The following SLCO2B1 variants were observed in gnomAD, a reference collection of about 807,000 sequenced individuals.
SLCO2B1 encodes solute carrier organic anion transporter family member 2B1.
In SLCO2B1, 41 loss-of-function variants were observed where a neutral mutation model predicts 67.3. The ratio of observed to expected loss-of-function variants is 0.61; its 90% CI spans 0.47 to 0.79. The LOEUF (loss-of-function observed/expected upper bound fraction) is 0.79. Ranked by LOEUF, SLCO2B1 falls within the 30% of genes least tolerant of loss-of-function variation. SLCO2B1 has a pLI of 0.00. For missense variants in SLCO2B1, 837 were observed against 920.1 expected, an observed-to-expected ratio of 0.91 and a Z score of 1.17; for synonymous variants, 379 against 381.4, an observed-to-expected ratio of 0.99 and a Z score of 0.07.
In SLCO2B1 at chr11:75,193,641, G is replaced by A; in HGVS notation, c.1433+66G>A. Reference sequence around the variant, plus strand: ...ACAGGACAGGGAGGACAGGGGCCCTGGGCAGAGGCCAGGATGGCAGGGCAA... The same window carrying A: ...ACAGGACAGGGAGGACAGGGGCCCTAGGCAGAGGCCAGGATGGCAGGGCAA... On this transcript the variant is annotated intron_variant, in intron 9 of 13. Transcript: ENST00000289575. This position sits in a 1 kb window ranked among gnomAD's most constrained non-coding sequence, Gnocchi z 4.2. The A allele has an allele frequency of 1.4e-6, 2 of 1,420,380 alleles. No individual in the cohort carries two copies. Among genetic ancestry groups the A allele is most frequent in the Non-Finnish European group, 1.9e-6 (2 of 1,061,218 alleles). The allele number at this position is 1,420,380 out of a possible 1,614,324, so 88.0% of individuals were successfully genotyped here.
chr11:75,171,458 A>C (rs1224204321), intron 6 of SLCO2B1, among the ~76,000 whole-genome samples: 2 of 152,054 alleles, frequency 1.3e-5, no homozygotes, highest in Non-Finnish European at 2.9e-5. Flanking sequence ...GGGCCTCACT[A>C]TGTTGCTCAG....
intron 4 of SLCO2B1, 50 bp downstream of exon 4, chr11:75,165,999 C>G: frequency 6.3e-7 from 1 of 1,576,240 alleles, no homozygotes; most frequent in Non-Finnish European, 8.6e-7. Context: ...CTCTGCATTG[C>G]TTTGCGCTGG....
chr11:75,164,661 G>A (rs138503984), intron 3 of SLCO2B1, among the ~76,000 whole-genome samples: 1,839 of 152,100 alleles, frequency 0.012, 9 homozygotes, highest in Middle Eastern at 0.027. Context: ...TCCTTCCCCC[G>A]CCAGATGTTT....
intron 1 of SLCO2B1, among the ~76,000 whole-genome samples, chr11:75,161,359 T>G (rs1043792875): frequency 2.6e-5 from 4 of 152,186 alleles, no homozygotes; most frequent in Non-Finnish European, 4.4e-5. Flanking sequence ...TGGAATTAGA[T>G]AGTGGAGATA....
chr11:75,173,977 T>A (rs1411954985), intron 7 of SLCO2B1, among the ~76,000 whole-genome samples: 2 of 151,924 alleles, frequency 1.3e-5, no homozygotes, highest in Non-Finnish European at 2.9e-5. Flanking sequence ...TAATTTTGTA[T>A]TTTTAGTAGA....
chr11:75,165,774 C>T lies in SLCO2B1; in HGVS notation c.286-13C>T, dbSNP rs781396827. ...ACTGTTCCACCTTAATGGGTCACCT[C>T]GTCCTTTTGCAGGTGGGGAACACAG... On this transcript the variant is annotated splice_polypyrimidine_tract_variant and intron_variant, in intron 3 of 13. Transcript: ENST00000289575. 1.1e-5 allele frequency: 18 copies of T among 1,613,622 alleles called. No homozygotes were observed. The East Asian group carries it at 3.3e-4, about 30-fold the overall frequency.
chr11:75,161,464 A>G (rs1244533152), intron 1 of SLCO2B1, among the ~76,000 whole-genome samples: 2 of 152,210 alleles, frequency 1.3e-5, no homozygotes, highest in Non-Finnish European at 2.9e-5. Context: ...AATTTTAAAA[A>G]TCATCAGGCT....
chr11:75,193,214 A>G lies in SLCO2B1; in HGVS notation c.1076-4A>G. ...TGCCCTGACCTCTGCACTCGCCCCC[A>G]CAGTCTTCCCCAGGGTGCTGCTGCA... On this transcript the variant is annotated splice_region_variant and splice_polypyrimidine_tract_variant and intron_variant, in intron 8 of 13. Transcript: ENST00000289575. The surrounding 1 kb of genome is among the most constrained non-coding windows in gnomAD (Gnocchi z 4.2). 1 of 1,603,038 alleles carries G rather than the reference A, an allele frequency of 6.2e-7. No homozygotes were observed. Among genetic ancestry groups the G allele is most frequent in the Admixed American group, 1.7e-5 (1 of 59,696 alleles).
chr11:75,186,737 T>A (rs1394899067), intron 7 of SLCO2B1, among the ~76,000 whole-genome samples: 1 of 152,224 alleles, frequency 6.6e-6, no homozygotes, highest in Non-Finnish European at 1.5e-5. Context: ...TACACTCCAC[T>A]TGCCCACTTG....
At chr11:75,165,688 C>A in intron 3 of SLCO2B1, 99 bp from the exon 4 acceptor site, 1 of 1,299,386 alleles carries the variant, frequency 7.7e-7, no homozygotes, top group Non-Finnish European at 1.1e-6. Flanking sequence ...GTCCATTATT[C>A]AGATGGGCAT....
intron 11 of SLCO2B1, 43 bp from the exon 12 acceptor site, chr11:75,202,857 TG>T (rs1945203834): frequency 6.4e-7 from 1 of 1,574,222 alleles, no homozygotes; most frequent in Admixed American, 1.7e-5. Flanking sequence ...CCTTGGGGGC[TG>T]GAACCCCTCC....
intron 10 of SLCO2B1, among the ~76,000 whole-genome samples, chr11:75,198,423 TTA>T (rs1779344822): frequency 6.6e-6 from 1 of 152,216 alleles, no homozygotes; most frequent in African/African-American, 2.4e-5. Context: ...CCACATAACG[TTA>T]TCCATGAAAG....
intron 10 of SLCO2B1, among the ~76,000 whole-genome samples, chr11:75,197,069 T>G (rs1368918652): frequency 2.6e-5 from 4 of 152,190 alleles, no homozygotes; most frequent in African/African-American, 9.7e-5. Context: ...TAAGCTGAGA[T>G]CATGCCATTA....
chr11:75,176,869 G>T (rs988646923), intron 7 of SLCO2B1, among the ~76,000 whole-genome samples: 2 of 152,178 alleles, frequency 1.3e-5, no homozygotes, highest in African/African-American at 4.8e-5. Context: ...AGACCCTGCT[G>T]CATCTCACTG....
rs563509343 is a variant in SLCO2B1, at chr11:75,172,927, T to G, written c.972+358T>G. ...CTGGGCAACAAAGCAAGACTCCGTC[T>G]CAAAAAAAAAAAAAATTACACTGCA... On this transcript the variant is annotated intron_variant, in intron 7 of 13. Transcript: ENST00000289575. Among the ~76,000 whole-genome samples, 9 of 138,190 alleles carry G rather than the reference T, an allele frequency of 6.5e-5. No individual in the cohort carries two copies. In the East Asian group the frequency reaches 2.1e-3, roughly 32 times the overall value. 90.7% of individuals were successfully genotyped at this position (138,190 alleles called of 152,430 possible). A position where few individuals can be genotyped will look rare whatever the true frequency, so the allele number is the denominator to read the frequency against.
At chr11:75,199,091 T>C (rs932142307) in intron 10 of SLCO2B1, among the ~76,000 whole-genome samples, 1 of 152,128 alleles carries the variant, frequency 6.6e-6, no homozygotes, top group African/African-American at 2.4e-5. Flanking sequence ...TGCTTAGCAT[T>C]TCCCTTTCTT....
At position 75,165,905 on chromosome 11, in the gene SLCO2B1, C is replaced by T. The variant is rs746738259; in HGVS notation, c.404C>T (p.Pro135Leu). 55 of 1,614,042 alleles carry T rather than the reference C, an allele frequency of 3.4e-5. No individual in the cohort carries two copies. The highest frequency in any genetic ancestry group is 4.2e-5 in the Non-Finnish European group (49 of 1,180,018). The change falls in exon 4 of 14, where the codon CCG becomes CTG. Residue 135 changes from proline to leucine, a missense_variant. Physicochemically the swap from Pro to Leu is moderately conservative, Grantham distance 98. Transcript: ENST00000289575. ...VALAGLLMTL[P>L]HFISEPYRYD... is the part of the protein sequence containing the mutation. ...CTGGCGGGCCTGCTCATGACTCTCC[C>T]GCACTTCATCTCGGAGCCATACCGC...
At chr11:75,155,458 A>C (rs2851072) in intron 1 of SLCO2B1, among the ~76,000 whole-genome samples, 68,988 of 151,938 alleles carry the variant, frequency 0.45, 18,723 homozygotes, top group Non-Finnish European at 0.61. Context: ...TCAATTCAAC[A>C]ATCTTGTTCT....
At chr11:75,203,099 C>A in intron 12 of SLCO2B1, 134 bp downstream of exon 12, 1 of 1,137,972 alleles carries the variant, frequency 8.8e-7, no homozygotes, top group Non-Finnish European at 1.3e-6. Flanking sequence ...GGTGACAGAC[C>A]TGGCCCAGCT....
Sources: gnomAD v4.1 joint callset for allele counts (sites outside exome capture counted in the v4.1 genomes callset) on GRCh38, gnomAD v4.1.1 for gene constraint, Gnocchi (gnomAD v3.1) non-coding constraint, MANE v1.5 for transcripts, NCBI Gene and HGNC (gene_info 2026-07-23, HGNC 2026-07-21) for gene names.